Variants in ANKRD30B observed in about 807,000 individuals in gnomAD.
ANKRD30B encodes the protein ankyrin repeat domain-containing protein 30B.
Under a neutral mutation model 202.2 loss-of-function variants are expected in ANKRD30B, and 144 were observed. The ratio of observed to expected loss-of-function variants is 0.71; its 90% confidence interval spans 0.62 to 0.82. The LOEUF (loss-of-function observed/expected upper bound fraction) is 0.82, where lower values mean the gene tolerates loss of function less well. Among genes scored for constraint, ANKRD30B ranks in the 40% least tolerant of loss-of-function variants. The pLI, the probability that ANKRD30B is intolerant of heterozygous loss-of-function variation, is 0.00. For synonymous variants in ANKRD30B, 508 were observed against 561.3 expected (o/e 0.91, Z 1.34); for missense variants, 1,487 against 1,669.1 (o/e 0.89, Z 1.90).
chr18:14,823,670 ATGTTTAAAAT>A (rs771716196), intron 32 of ANKRD30B, among the ~76,000 whole-genome samples: 3 of 152,104 alleles, frequency 2.0e-5, no homozygotes, highest in Non-Finnish European at 4.4e-5. Context: ...ATTCCCATGC[ATGTTTAAAAT>A]ATGTTACAAC....
chr18:14,819,463 C>T (rs1189744079), intron 30 of ANKRD30B, among the ~76,000 whole-genome samples: 3 of 149,840 alleles, frequency 2.0e-5, no homozygotes, highest in Admixed American at 6.6e-5. Flanking sequence ...ATGGTAATGC[C>T]TAGGTTTTCT....
chr18:14,901,663 C>T, the ANKRD30B span, among the ~76,000 whole-genome samples: 2 of 151,810 alleles, frequency 1.3e-5, no homozygotes, highest in African/African-American at 4.8e-5. Flanking sequence ...TCTACCTGAT[C>T]CCTACAGAAT....
chr18:14,871,736 A>T, the ANKRD30B span, among the ~76,000 whole-genome samples: 2 of 152,110 alleles, frequency 1.3e-5, no homozygotes, highest in Non-Finnish European at 2.9e-5. Flanking sequence ...CTACAAAAAA[A>T]AATATTAAAA....
the ANKRD30B span, among the ~76,000 whole-genome samples, chr18:14,861,621 A>G: frequency 6.6e-6 from 1 of 150,850 alleles, no homozygotes; most frequent in African/African-American, 2.4e-5. Flanking sequence ...CCAGATTTTT[A>G]GAATAAATAT....
chr18:14,878,436 ACGGTCT>A, the ANKRD30B span, among the ~76,000 whole-genome samples: 12 of 152,208 alleles, frequency 7.9e-5, no homozygotes, highest in East Asian at 2.1e-3. Flanking sequence ...TCTATTAGAT[ACGGTCT>A]TTGCCTTCTT....
intron 33 of ANKRD30B, among the ~76,000 whole-genome samples, chr18:14,830,937 C>T (rs1271423344): frequency 3.9e-5 from 6 of 151,908 alleles, no homozygotes; most frequent in East Asian, 1.9e-4. Flanking sequence ...AATCCCAGCA[C>T]TTTGGGAGGC....
intron 7 of ANKRD30B, among the ~76,000 whole-genome samples, chr18:14,764,813 A>G (rs1915847800): frequency 6.6e-6 from 1 of 152,162 alleles, no homozygotes; most frequent in South Asian, 2.1e-4. Flanking sequence ...AAAACTTGGA[A>G]GCTTGCAATA....
At chr18:14,782,952 A>C (rs1967850658) in intron 12 of ANKRD30B, among the ~76,000 whole-genome samples, 1 of 152,156 alleles carries the variant, frequency 6.6e-6, no homozygotes, top group African/African-American at 2.4e-5. Context: ...GCAGGTTTAT[A>C]TAATGGAGGT....
intron 36 of ANKRD30B, among the ~76,000 whole-genome samples, chr18:14,838,488 G>A (rs1057302167): frequency 1.3e-5 from 2 of 152,246 alleles, no homozygotes; most frequent in African/African-American, 4.8e-5. Flanking sequence ...ACAACAATTT[G>A]GTTGAGTAGT....
chr18:14,855,556 C>A (rs2143294412), downstream of ANKRD30B, among the ~76,000 whole-genome samples: 1 of 149,314 alleles, frequency 6.7e-6, no homozygotes, highest in East Asian at 2.0e-4. Context: ...CCAGATGGGG[C>A]AACCAGGCAA....
In ANKRD30B at chr18:14,854,253, A is replaced by T. The variant is rs1972000449; in HGVS notation, c.*95A>T. On this transcript the variant is annotated 3_prime_UTR_variant, in exon 44 of 44. Transcript: ENST00000690538. ...TTTTCCATTTTAAAGTTAAACAAGA[A>T]GAAAAGGTAAAATGAAAAGAAATAA... 6.6e-6 allele frequency among the ~76,000 whole-genome samples: 1 copy of T among 152,218 alleles called. No individual in the cohort carries two copies.
chr18:14,833,358 C>A (rs1002499464), intron 34 of ANKRD30B, among the ~76,000 whole-genome samples: 3 of 152,208 alleles, frequency 2.0e-5, no homozygotes, highest in African/African-American at 7.2e-5. Flanking sequence ...ACACCATTCT[C>A]CTGCCTCAGC....
chr18:14,889,139 G>A, the ANKRD30B span, among the ~76,000 whole-genome samples: 6 of 151,268 alleles, frequency 4.0e-5, no homozygotes, highest in Non-Finnish European at 8.9e-5. Flanking sequence ...TATGAAATAT[G>A]TGTAGCTTTT....
rs1243865708 is a variant in ANKRD30B, at chr18:14,748,596, A to G, written c.177A>G (p.Val59=). The change falls in exon 1 of 44, where the codon GTA becomes GTG. Residue 59 remains valine, a synonymous_variant. Coordinates refer to ENST00000690538, the MANE Select transcript of ANKRD30B (RefSeq NM_001367607.2). ...GQVQKLEKMT[V]GKKPVNLNKR... ...TCCAGAAGCTGGAGAAGATGACAGT[A>G]GGGAAGAAGCCCGTCAACCTGAACA... is the stretch of plus-strand genomic sequence containing the variant. The G allele has an allele frequency of 1.3e-6, 2 of 1,566,648 alleles. No individual in the cohort carries two copies. Among genetic ancestry groups the G allele is most frequent in the African/African-American group, 2.7e-5 (2 of 73,780 alleles).
At chr18:14,899,606 A>G in the ANKRD30B span, among the ~76,000 whole-genome samples, 1 of 152,170 alleles carries the variant, frequency 6.6e-6, no homozygotes, top group East Asian at 1.9e-4. Context: ...CAACTCCAAT[A>G]TGATTGTCAC....
the ANKRD30B span, among the ~76,000 whole-genome samples, chr18:14,906,202 A>G: frequency 6.6e-6 from 1 of 152,130 alleles, no homozygotes; most frequent in African/African-American, 2.4e-5. Flanking sequence ...CTCTTCCTGG[A>G]ATCTGTCTCT....
Position 14,773,873 on chromosome 18 carries a change from C to T in ANKRD30B, c.1329+1645C>T, listed in dbSNP as rs544560795. ...GTTTCACCATGTTGGCCAGGATGAT[C>T]TCTATCTCTTGACCTCATGATCCGC... On this transcript the variant is annotated intron_variant, in intron 9 of 43. Coordinates refer to ENST00000690538, the MANE Select transcript of ANKRD30B (RefSeq NM_001367607.2). Among the ~76,000 whole-genome samples, 20 of 152,242 alleles carry T rather than the reference C, an allele frequency of 1.3e-4. No individual in the cohort carries two copies. In the South Asian group the frequency reaches 4.1e-3, roughly 32 times the overall value.
chr18:14,881,290 A>T, the ANKRD30B span, among the ~76,000 whole-genome samples: 1 of 152,220 alleles, frequency 6.6e-6, no homozygotes, highest in Non-Finnish European at 1.5e-5. Context: ...AGCTTTAATC[A>T]TAAAGCAATG....
At chr18:14,848,228 T>A (rs1358575054) in intron 39 of ANKRD30B, among the ~76,000 whole-genome samples, 4 of 152,122 alleles carry the variant, frequency 2.6e-5, no homozygotes, top group African/African-American at 9.7e-5. Context: ...TTTAGTGTAT[T>A]TTGTGTGTTT....
Sources: allele counts gnomAD v4.1 joint callset (sites outside exome capture counted in the v4.1 genomes callset), GRCh38; gene constraint gnomAD v4.1.1; transcripts MANE v1.5; gene names NCBI Gene and HGNC (gene_info 2026-07-23, HGNC 2026-07-21).